Variants in ROBO2 observed in about 807,000 individuals in gnomAD.
ROBO2 encodes roundabout homolog 2.
A neutral mutation model predicts 160.8 loss-of-function variants in ROBO2; 53 were observed. That is an observed-to-expected ratio of 0.33 (90% CI 0.26 to 0.41). The LOEUF (loss-of-function observed/expected upper bound fraction) is 0.41, where lower values mean the gene tolerates loss of function less well. Ranked by LOEUF, ROBO2 falls within the 10% of genes least tolerant of loss-of-function variation. ROBO2 has a pLI of 1.00. For synonymous variants in ROBO2, 664 were observed against 611.7 expected (o/e 1.09, Z -1.26); for missense variants, 1,577 against 1,722.4 (o/e 0.92, Z 1.49).
chr3:77,253,487 C>A (rs2090607989), intron 2 of ROBO2, among the ~76,000 whole-genome samples: 1 of 152,098 alleles, frequency 6.6e-6, no homozygotes, highest in South Asian at 2.1e-4. Context: ...ATTTTATCAT[C>A]TTTTAAAAAA....
chr3:76,790,538 C>A (rs1312587769), intron 2 of ROBO2, among the ~76,000 whole-genome samples: 1 of 151,676 alleles, frequency 6.6e-6, no homozygotes, highest in Non-Finnish European at 1.5e-5. Flanking sequence ...ATACATCTAA[C>A]CTGCCAAACA....
chr3:76,803,688 A>T (rs146657824), intron 2 of ROBO2, among the ~76,000 whole-genome samples: 1 of 152,290 alleles, frequency 6.6e-6, no homozygotes, highest in East Asian at 1.9e-4. Context: ...AATAAATTAT[A>T]TATTTATGCA....
chr3:77,377,641 TC>T (rs2072872547), intron 2 of ROBO2, among the ~76,000 whole-genome samples: 1 of 152,192 alleles, frequency 6.6e-6, no homozygotes, highest in Admixed American at 6.5e-5. Flanking sequence ...ATATGAGACC[TC>T]GATCCTTGGC....
chr3:76,938,516 GCT>G (rs922353518), intron 2 of ROBO2, among the ~76,000 whole-genome samples: 1 of 151,024 alleles, frequency 6.6e-6, no homozygotes, highest in Admixed American at 6.6e-5. Context: ...CTGGTGATCT[GCT>G]CTCTCTCTCT....
intron 1 of ROBO2, among the ~76,000 whole-genome samples, chr3:77,042,105 G>A (rs1256472057): frequency 1.3e-5 from 2 of 152,212 alleles, no homozygotes; most frequent in African/African-American, 4.8e-5. Flanking sequence ...CTACTGTCAA[G>A]TGGCTGTTTT....
intron 2 of ROBO2, among the ~76,000 whole-genome samples, chr3:76,745,377 T>G (rs1434186178): frequency 3.9e-5 from 6 of 152,144 alleles, no homozygotes; most frequent in Non-Finnish European, 8.8e-5. Flanking sequence ...TTAGCTATTA[T>G]ATGTGAGCTG....
intron 2 of ROBO2, among the ~76,000 whole-genome samples, chr3:77,111,641 T>G (rs921531657): frequency 5.3e-5 from 8 of 152,138 alleles, no homozygotes; most frequent in African/African-American, 1.9e-4. Context: ...TACATCGCAG[T>G]TTTTTAGTTT....
At chr3:76,725,359 T>C (rs1272878994) in intron 2 of ROBO2, among the ~76,000 whole-genome samples, 1 of 152,204 alleles carries the variant, frequency 6.6e-6, no homozygotes, top group Non-Finnish European at 1.5e-5. Flanking sequence ...AAATGACTTT[T>C]GATCCAGCCT....
intron 2 of ROBO2, among the ~76,000 whole-genome samples, chr3:77,296,584 T>C (rs909859003): frequency 6.6e-6 from 1 of 152,144 alleles, no homozygotes. Context: ...TCTAATTTAA[T>C]TGTTCAGTGT....
At chr3:76,110,405 T>C (rs1328856454) in intron 2 of ROBO2, among the ~76,000 whole-genome samples, 1 of 152,154 alleles carries the variant, frequency 6.6e-6, no homozygotes, top group African/African-American at 2.4e-5. Context: ...GCATTCTGGC[T>C]TTAGAATCCA....
intron 23 of ROBO2, among the ~76,000 whole-genome samples, chr3:77,624,577 C>T (rs1412356445): frequency 6.6e-6 from 1 of 152,170 alleles, no homozygotes; most frequent in Non-Finnish European, 1.5e-5. Context: ...TCCTCAGACA[C>T]TTAATGCTAG....
At chr3:76,084,571 A>G (rs891709302) in intron 2 of ROBO2, among the ~76,000 whole-genome samples, 1 of 152,124 alleles carries the variant, frequency 6.6e-6, no homozygotes, top group Admixed American at 6.6e-5. Context: ...ATCCCTCAGT[A>G]TTATTCCACC....
At chr3:75,955,523 T>C (rs1229339261) in intron 2 of ROBO2, among the ~76,000 whole-genome samples, 7 of 151,654 alleles carry the variant, frequency 4.6e-5, no homozygotes, top group Non-Finnish European at 1.0e-4. Flanking sequence ...TTAGGAGATA[T>C]ACCTAATGTA....
chr3:77,562,514 A>G, intron 9 of ROBO2, 137 bp from the exon 11 acceptor site: 1 of 637,642 alleles, frequency 1.6e-6, no homozygotes. Context: ...TATACATATG[A>G]TTGACTCTAA....
chr3:77,130,973 C>T (rs983424286), intron 2 of ROBO2, among the ~76,000 whole-genome samples: 6 of 151,298 alleles, frequency 4.0e-5, no homozygotes, highest in African/African-American at 1.5e-4. Flanking sequence ...TTTATTTCTG[C>T]TGTTTTTTCT....
chr3:76,119,740 G>A (rs1576935854), intron 2 of ROBO2, among the ~76,000 whole-genome samples: 1 of 151,976 alleles, frequency 6.6e-6, no homozygotes, highest in African/African-American at 2.4e-5. Context: ...TTTATTTTAC[G>A]CACATACACT....
chr3:76,317,462 AAAAG>A (rs200947585), intron 2 of ROBO2, among the ~76,000 whole-genome samples: 2,944 of 152,300 alleles, frequency 0.019, 76 homozygotes, highest in African/African-American at 0.063. Flanking sequence ...GCAGTAGAAA[AAAAG>A]AAAGCAACAC....
At chr3:76,970,435 G>C (rs1193003662) in intron 2 of ROBO2, among the ~76,000 whole-genome samples, 1 of 152,080 alleles carries the variant, frequency 6.6e-6, no homozygotes, top group Non-Finnish European at 1.5e-5. Flanking sequence ...TCACTTCATG[G>C]TCAAATCAAG....
chr3:76,557,730 T>C (rs1478698262), intron 2 of ROBO2, among the ~76,000 whole-genome samples: 1 of 151,824 alleles, frequency 6.6e-6, no homozygotes, highest in Non-Finnish European at 1.5e-5. Context: ...GACTTCTTGT[T>C]CTAATTTGAA....
Sources: gnomAD v4.1 joint callset for allele counts (sites outside exome capture counted in the v4.1 genomes callset) on GRCh38, gnomAD v4.1.1 for gene constraint, MANE v1.5 for transcripts, NCBI Gene and HGNC (gene_info 2026-07-23, HGNC 2026-07-21) for gene names.